The following PXDNL variants were observed in gnomAD, a reference collection of about 807,000 sequenced individuals.
PXDNL encodes the protein probable oxidoreductase PXDNL.
Under a neutral mutation model 150.8 loss-of-function variants are expected in PXDNL, and 145 were observed. The ratio of observed to expected loss-of-function variants is 0.96; its 90% CI spans 0.84 to 1.10. The LOEUF (loss-of-function observed/expected upper bound fraction) is 1.10, where lower values mean the gene tolerates loss of function less well. Ranked by LOEUF, PXDNL falls within the 50% of genes least tolerant of loss-of-function variation. PXDNL has a pLI of 0.00. For synonymous variants in PXDNL, 757 were observed against 725.7 expected (o/e 1.04, Z -0.69); for missense variants, 2,087 against 1,873.9 (o/e 1.11, Z -2.10).
In PXDNL at chr8:51,608,031, A is replaced by AAGAAAG. The variant is rs879488637; in HGVS notation, c.237-15339_237-15334dup. 2.7e-3 allele frequency among the ~76,000 whole-genome samples: 299 copies of AAGAAAG among 111,354 alleles called. 2 individuals carry two copies. Among genetic ancestry groups the AAGAAAG allele is most frequent in the Non-Finnish European group, 4.8e-3 (259 of 54,368 alleles). The allele number at this position is 111,354 out of a possible 152,430, so 73.1% of individuals were successfully genotyped here. A position where few individuals can be genotyped will look rare whatever the true frequency, so the allele number is the denominator to read the frequency against. On this transcript the variant is annotated intron_variant, in intron 2 of 22. Coordinates refer to ENST00000356297, the MANE Select transcript of PXDNL (RefSeq NM_144651.5). ...AAAGAAAGAAAGAAAGAAAGAAAGAAAGAAAGAAAGAAAGAAAGAAAGAAA... is the reference window on the plus strand; with the variant it reads ...AAAGAAAGAAAGAAAGAAAGAAAGAAAGAAAGAGAAAGAAAGAAAGAAAGAAAGAAA...
intron 3 of PXDNL, among the ~76,000 whole-genome samples, chr8:51,558,107 C>A (rs139839847): frequency 1.3e-5 from 2 of 152,042 alleles, no homozygotes; most frequent in African/African-American, 4.8e-5. Flanking sequence ...ATTGAGAAGT[C>A]GTCTCAAAAC....
At chr8:51,511,926 C>A (rs2130348178) in intron 4 of PXDNL, among the ~76,000 whole-genome samples, 1 of 152,292 alleles carries the variant, frequency 6.6e-6, no homozygotes, top group East Asian at 1.9e-4. Flanking sequence ...CTGAATGCCC[C>A]CATCATCCAG....
At position 51,592,954 on chromosome 8, in the gene PXDNL, G is replaced by C. The variant is rs1813477028; in HGVS notation, c.237-256C>G. Among the ~76,000 whole-genome samples, 3 of 152,190 alleles carry C rather than the reference G, an allele frequency of 2.0e-5. No homozygotes were observed. In the South Asian group the frequency reaches 6.2e-4, roughly 32 times the overall value. On this transcript the variant is annotated intron_variant, in intron 2 of 22. Transcript: ENST00000356297. ...TCCTAAAACAACACTGCAACCCAGA[G>C]GTAAAATTCTTGTTCTCCTGAAGCA... is the stretch of plus-strand genomic sequence containing the variant.
intron 17 of PXDNL, among the ~76,000 whole-genome samples, chr8:51,388,562 G>A (rs931938749): frequency 1.3e-5 from 2 of 152,152 alleles, no homozygotes; most frequent in African/African-American, 4.8e-5. Context: ...CTGCAGATGA[G>A]TACATTGGTA....
chr8:51,786,214 A>AT (rs945986846), intron 1 of PXDNL, among the ~76,000 whole-genome samples: 40 of 149,240 alleles, frequency 2.7e-4, no homozygotes, highest in East Asian at 2.6e-3. Context: ...TAAGAAAACA[A>AT]TTTTTTTTTT....
At position 51,809,249 on chromosome 8, in the gene PXDNL, C is replaced by T; in HGVS notation, c.96G>A (p.Lys32=). ...TCAAGTGCATGCAGCGGACGGTGCT[C>T]TTAAAGCAAAGGCACCGGCTGGGGC... ...LPCPSRCLCF[K]STVRCMHLML... is the part of the protein sequence containing the mutation. Residue 32 remains lysine, a synonymous_variant, in exon 1 of 23, where the codon AAG becomes AAA. Transcript: ENST00000356297. 3 of 1,611,700 alleles carry T rather than the reference C, an allele frequency of 1.9e-6. No homozygotes were observed. The highest frequency in any genetic ancestry group is 2.5e-6 in the Non-Finnish European group (3 of 1,178,958).
intron 1 of PXDNL, among the ~76,000 whole-genome samples, chr8:51,793,590 T>A (rs539438906): frequency 5.3e-5 from 8 of 152,196 alleles, no homozygotes; most frequent in African/African-American, 1.7e-4. Flanking sequence ...CTAAGAACCA[T>A]GATAAAACAT....
In PXDNL at chr8:51,603,334, T is replaced by C. The variant is rs1454507243; in HGVS notation, c.237-10636A>G. Among the ~76,000 whole-genome samples, 2 of 151,986 alleles carry C rather than the reference T, an allele frequency of 1.3e-5. 1 individual carries two copies. ...TGACTAATATTCAAATTTTACCATATCGACTTTACCTATCTAACAACATCA... is the reference window on the plus strand; with the variant it reads ...TGACTAATATTCAAATTTTACCATACCGACTTTACCTATCTAACAACATCA... On this transcript the variant is annotated intron_variant, in intron 2 of 22. Coordinates refer to ENST00000356297, the MANE Select transcript of PXDNL (RefSeq NM_144651.5).
intron 17 of PXDNL, among the ~76,000 whole-genome samples, chr8:51,383,150 T>C (rs1807599554): frequency 6.6e-6 from 1 of 152,212 alleles, no homozygotes; most frequent in Non-Finnish European, 1.5e-5. Flanking sequence ...AAAACATTTC[T>C]TATTAATTCA....
intron 19 of PXDNL, among the ~76,000 whole-genome samples, chr8:51,362,105 G>A (rs1054772568): frequency 6.6e-6 from 1 of 152,072 alleles, no homozygotes. Flanking sequence ...CAAATAAAAA[G>A]TTTAAGTGAC....
intron 2 of PXDNL, among the ~76,000 whole-genome samples, chr8:51,597,147 T>C (rs1195396591): frequency 6.6e-6 from 1 of 152,218 alleles, no homozygotes; most frequent in Non-Finnish European, 1.5e-5. Context: ...TCTAGCACCA[T>C]TTATTGAATA....
chr8:51,544,211 G>A (rs1812298983), intron 4 of PXDNL, among the ~76,000 whole-genome samples: 1 of 152,140 alleles, frequency 6.6e-6, no homozygotes, highest in Non-Finnish European at 1.5e-5. Flanking sequence ...TTATGCAACT[G>A]AGCATGAACT....
intron 13 of PXDNL, 25 bp downstream of exon 13, chr8:51,426,621 A>G (rs773344810): frequency 7.8e-7 from 1 of 1,278,220 alleles, no homozygotes; most frequent in Non-Finnish European, 1.1e-6. Flanking sequence ...TTTTAATATT[A>G]CTGTACTTTT....
chr8:51,623,818 G>T (rs185626488), intron 2 of PXDNL, among the ~76,000 whole-genome samples: 1 of 152,176 alleles, frequency 6.6e-6, no homozygotes, highest in Non-Finnish European at 1.5e-5. Context: ...AGCCAGGCAT[G>T]GTGGGTGACT....
intron 1 of PXDNL, among the ~76,000 whole-genome samples, chr8:51,703,551 T>C (rs1816301903): frequency 6.6e-6 from 1 of 152,208 alleles, no homozygotes; most frequent in African/African-American, 2.4e-5. Context: ...ATGTCAACTT[T>C]AACCCAAAGC....
chr8:51,582,696 A>C (rs765019814), intron 3 of PXDNL, among the ~76,000 whole-genome samples: 1 of 152,186 alleles, frequency 6.6e-6, no homozygotes, highest in Non-Finnish European at 1.5e-5. Context: ...AAATGACTTC[A>C]TCAATTATGA....
chr8:51,690,728 C>T (rs957106981), intron 1 of PXDNL, among the ~76,000 whole-genome samples: 2 of 151,492 alleles, frequency 1.3e-5, no homozygotes, highest in Non-Finnish European at 3.0e-5. Context: ...AGTTCTAGAT[C>T]CCTGAGGAAT....
chr8:51,709,402 C>T (rs144629568), intron 1 of PXDNL, among the ~76,000 whole-genome samples: 7,680 of 151,946 alleles, frequency 0.051, 281 homozygotes, highest in Non-Finnish European at 0.076. Flanking sequence ...CTACAGGTGC[C>T]GGCCACCACG....
intron 8 of PXDNL, among the ~76,000 whole-genome samples, chr8:51,471,876 C>CG (rs1810344371): frequency 6.6e-6 from 1 of 151,878 alleles, no homozygotes; most frequent in African/African-American, 2.4e-5. Context: ...TTAGTAGAGA[C>CG]GGGGTTTCAC....
Sources: gnomAD v4.1 joint callset for allele counts (sites outside exome capture counted in the v4.1 genomes callset) on GRCh38, gnomAD v4.1.1 for gene constraint, MANE v1.5 for transcripts, NCBI Gene and HGNC (gene_info 2026-07-23, HGNC 2026-07-21) for gene names.